The following KCNH8 variants were observed in gnomAD, a reference collection of about 807,000 sequenced individuals.
KCNH8 encodes the protein potassium voltage-gated channel subfamily H member 8, also known as voltage-gated delayed rectifier potassium channel KCNH8.
Under a neutral mutation model 103.6 loss-of-function variants are expected in KCNH8, and 70 were observed. That is an observed-to-expected ratio of 0.68 (90% CI 0.56 to 0.82). KCNH8 has a LOEUF of 0.82. Ranked by LOEUF, KCNH8 falls within the 40% of genes least tolerant of loss-of-function variation. The probability of loss-of-function intolerance (pLI) is 0.00; values close to 1 mark genes in which losing one functional copy is unlikely to be tolerated. For missense variants in KCNH8, 1,217 were observed against 1,329.9 expected, an observed-to-expected ratio of 0.92 and a Z score of 1.32; for synonymous variants, 498 against 489.4, an observed-to-expected ratio of 1.02 and a Z score of -0.23.
At chr3:19,429,473 C>T (rs969025296) in intron 7 of KCNH8, among the ~76,000 whole-genome samples, 15 of 152,254 alleles carry the variant, frequency 9.9e-5, no homozygotes, top group Admixed American at 7.8e-4. Context: ...CGCGCCCGGC[C>T]GGAATCCACT....
chr3:19,289,211 G>A (rs1005630591), intron 3 of KCNH8, among the ~76,000 whole-genome samples: 10 of 151,978 alleles, frequency 6.6e-5, no homozygotes, highest in African/African-American at 2.4e-4. Context: ...CTTTTGCTGT[G>A]CAGAAGCTCT....
intron 1 of KCNH8, among the ~76,000 whole-genome samples, chr3:19,191,884 T>A (rs1272052675): frequency 1.3e-5 from 2 of 151,958 alleles, no homozygotes; most frequent in East Asian, 3.9e-4. Flanking sequence ...TGTTTTTTGT[T>A]TATTCTCACT....
At chr3:19,173,101 A>G (rs2063363588) in intron 1 of KCNH8, among the ~76,000 whole-genome samples, 1 of 152,176 alleles carries the variant, frequency 6.6e-6, no homozygotes, top group Non-Finnish European at 1.5e-5. Context: ...GTTTTTGAAA[A>G]CTGCAGATTC....
intron 3 of KCNH8, among the ~76,000 whole-genome samples, chr3:19,340,638 A>G (rs1406994465): frequency 6.6e-6 from 1 of 152,162 alleles, no homozygotes; most frequent in Non-Finnish European, 1.5e-5. Flanking sequence ...TGTTACTAAA[A>G]TATAGTGCAA....
chr3:19,187,853 G>C (rs1249844586), intron 1 of KCNH8, among the ~76,000 whole-genome samples: 1 of 151,952 alleles, frequency 6.6e-6, no homozygotes, highest in Non-Finnish European at 1.5e-5. Context: ...TCATCTACTT[G>C]TTGGCTGAAT....
chr3:19,498,139 G>C (rs910759671), intron 11 of KCNH8, among the ~76,000 whole-genome samples: 3 of 152,066 alleles, frequency 2.0e-5, no homozygotes, highest in Non-Finnish European at 2.9e-5. Context: ...GTCACTGCTT[G>C]TGAGATGCAT....
intron 14 of KCNH8, among the ~76,000 whole-genome samples, chr3:19,517,366 G>A (rs878878282): frequency 6.6e-6 from 1 of 151,984 alleles, no homozygotes; most frequent in Admixed American, 6.6e-5. Context: ...CCAGAATTAG[G>A]ATGGTCTTAT....
At chr3:19,360,222 G>A (rs1198099350) in intron 5 of KCNH8, among the ~76,000 whole-genome samples, 2 of 152,072 alleles carry the variant, frequency 1.3e-5, no homozygotes, top group African/African-American at 2.4e-5. Context: ...TTGCAGACAT[G>A]TGCAAAAGGT....
At chr3:19,412,472 A>T (rs1025226962) in intron 7 of KCNH8, among the ~76,000 whole-genome samples, 1 of 152,100 alleles carries the variant, frequency 6.6e-6, no homozygotes, top group African/African-American at 2.4e-5. Flanking sequence ...CATTCTGGAC[A>T]TGGGCCTTGG....
chr3:19,276,091 G>T (rs2064666263), intron 2 of KCNH8, among the ~76,000 whole-genome samples: 1 of 151,996 alleles, frequency 6.6e-6, no homozygotes, highest in African/African-American at 2.4e-5. Flanking sequence ...CTGAAGAAAT[G>T]AGTGTCCCTT....
intron 5 of KCNH8, among the ~76,000 whole-genome samples, chr3:19,363,101 C>T (rs533302854): frequency 2.0e-5 from 3 of 152,234 alleles, no homozygotes; most frequent in East Asian, 3.9e-4. Context: ...GATTCATTTA[C>T]TACTTAAAGG....
chr3:19,489,762 C>A (rs754154988), intron 11 of KCNH8, among the ~76,000 whole-genome samples: 5 of 152,168 alleles, frequency 3.3e-5, no homozygotes, highest in African/African-American at 7.2e-5. Flanking sequence ...AGGGCACACA[C>A]ACACTTTTAC....
chr3:19,529,305 C>T (rs575396255), intron 15 of KCNH8, among the ~76,000 whole-genome samples: 1 of 152,310 alleles, frequency 6.6e-6, no homozygotes, highest in South Asian at 2.1e-4. Context: ...ATTGACGTAT[C>T]TCTTTGCAGT....
chr3:19,483,083 G>T (rs1445801294), intron 11 of KCNH8, among the ~76,000 whole-genome samples: 1 of 151,806 alleles, frequency 6.6e-6, no homozygotes, highest in Admixed American at 6.6e-5. Flanking sequence ...TTTGTGGGAA[G>T]CATAGACAGG....
At chr3:19,436,356 A>T (rs1234515058) in intron 7 of KCNH8, among the ~76,000 whole-genome samples, 1 of 152,198 alleles carries the variant, frequency 6.6e-6, no homozygotes, top group Non-Finnish European at 1.5e-5. Flanking sequence ...TTTCTCCAGC[A>T]TAAAAAAATG....
At chr3:19,268,675 G>A (rs796669734) in intron 2 of KCNH8, among the ~76,000 whole-genome samples, 1 of 152,114 alleles carries the variant, frequency 6.6e-6, no homozygotes, top group Non-Finnish European at 1.5e-5. Flanking sequence ...CCTACTCAGA[G>A]TGTGATGTGA....
chr3:19,489,242 G>T (rs897870454), intron 11 of KCNH8, among the ~76,000 whole-genome samples: 1 of 152,040 alleles, frequency 6.6e-6, no homozygotes, highest in Admixed American at 6.5e-5. Flanking sequence ...TAAGGAGGGG[G>T]TATTCCTGGT....
chr3:19,191,707 C>T (rs536923729), intron 1 of KCNH8, among the ~76,000 whole-genome samples: 1 of 151,862 alleles, frequency 6.6e-6, no homozygotes, highest in East Asian at 1.9e-4. Context: ...TACTGTCCAA[C>T]CCTAGTCCAC....
chr3:19,373,688 T>G (rs1265316581), intron 5 of KCNH8, among the ~76,000 whole-genome samples: 1 of 151,860 alleles, frequency 6.6e-6, no homozygotes, highest in African/African-American at 2.4e-5. Context: ...CTAGTTCTTT[T>G]AATTGTGATG....
Sources: gnomAD v4.1 joint callset for allele counts (sites outside exome capture counted in the v4.1 genomes callset) on GRCh38, gnomAD v4.1.1 for gene constraint, MANE v1.5 for transcripts, NCBI Gene and HGNC (gene_info 2026-07-23, HGNC 2026-07-21) for gene names.